The following COL24A1 variants were observed in gnomAD, a reference collection of about 807,000 sequenced individuals.
The protein encoded by COL24A1 is collagen type XXIV alpha 1 chain, also known as collagen alpha-1(XXIV) chain.
COL24A1 carries 224 observed loss-of-function variants against 253.9 expected under a neutral mutation model. That is an observed-to-expected ratio of 0.88 (90% CI 0.79 to 0.99). The LOEUF (loss-of-function observed/expected upper bound fraction) is 0.99. COL24A1 is among the 50% of genes least tolerant of loss of function. The pLI, the probability that COL24A1 is intolerant of heterozygous loss-of-function variation, is 0.00. For missense variants in COL24A1, 2,131 were observed against 2,068.5 expected (o/e 1.03, Z -0.59); for synonymous variants, 685 against 673.7 (o/e 1.02, Z -0.26).
intron 47 of COL24A1, among the ~76,000 whole-genome samples, chr1:85,814,746 G>C (rs1221456907): frequency 6.6e-6 from 1 of 152,072 alleles, no homozygotes. Flanking sequence ...GAAAGAAGTT[G>C]TTTGTCATAA....
chr1:86,095,220 T>A (rs1049493310), intron 5 of COL24A1, among the ~76,000 whole-genome samples: 1 of 152,070 alleles, frequency 6.6e-6, no homozygotes, highest in Non-Finnish European at 1.5e-5. Context: ...AATAATTTAA[T>A]GTTTAATCTC....
intron 19 of COL24A1, among the ~76,000 whole-genome samples, chr1:86,014,600 C>CCGT (rs779659146): frequency 1.0e-5 from 1 of 100,500 alleles, no homozygotes; most frequent in Non-Finnish European, 1.9e-5. Flanking sequence ...TGAATCTCTT[C>CCGT]CTTCTCCTCC....
chr1:85,910,686 G>C (rs1388281623), intron 25 of COL24A1, among the ~76,000 whole-genome samples: 2 of 151,920 alleles, frequency 1.3e-5, no homozygotes, highest in African/African-American at 4.8e-5. Context: ...TAGTATTTAA[G>C]TAATTGAGAA....
At chr1:86,117,867 T>C (rs1199244473) in intron 3 of COL24A1, among the ~76,000 whole-genome samples, 3 of 152,222 alleles carry the variant, frequency 2.0e-5, no homozygotes. Flanking sequence ...ATTCAAATCA[T>C]GCCTCAATCA....
intron 3 of COL24A1, among the ~76,000 whole-genome samples, chr1:86,116,768 A>AT (rs1706185194): frequency 1.3e-5 from 2 of 151,916 alleles, no homozygotes; most frequent in African/African-American, 4.8e-5. Context: ...CTTTAGTTGC[A>AT]CTTTTTTCTC....
At chr1:85,797,713 G>A (rs1670984398) in intron 47 of COL24A1, among the ~76,000 whole-genome samples, 1 of 152,148 alleles carries the variant, frequency 6.6e-6, no homozygotes, top group African/African-American at 2.4e-5. Context: ...ACTTCATGGA[G>A]GTTTTGTGAG....
At chr1:85,907,105 A>G in intron 28 of COL24A1, 89 bp downstream of exon 28, 2 of 996,382 alleles carry the variant, frequency 2.0e-6, no homozygotes, top group South Asian at 1.4e-5. Flanking sequence ...GAATTCTAGA[A>G]GGTATGATGC....
At chr1:85,947,204 T>C (rs1234693037) in intron 24 of COL24A1, among the ~76,000 whole-genome samples, 4 of 152,220 alleles carry the variant, frequency 2.6e-5, no homozygotes. Flanking sequence ...CAAAGTGGTC[T>C]TGACAAATAC....
chr1:86,086,146 G>T (rs1703048675), intron 7 of COL24A1, among the ~76,000 whole-genome samples: 2 of 152,128 alleles, frequency 1.3e-5, no homozygotes. Flanking sequence ...AAAGAAAAAT[G>T]AAGTCACTGT....
At chr1:86,156,207 G>C in intron 1 of COL24A1, 134 bp downstream of exon 1, 1 of 668,836 alleles carries the variant, frequency 1.5e-6, no homozygotes, top group Non-Finnish European at 2.6e-6. Context: ...AAGATACCGC[G>C]GGTACTCGGC....
chr1:86,137,952 A>C (rs1342102747), intron 2 of COL24A1, among the ~76,000 whole-genome samples: 1 of 152,144 alleles, frequency 6.6e-6, no homozygotes, highest in East Asian at 1.9e-4. Flanking sequence ...ATGGCTTTCC[A>C]TGGTATAAGA....
chr1:85,768,122 G>A (rs1667561091), intron 53 of COL24A1, among the ~76,000 whole-genome samples: 1 of 152,112 alleles, frequency 6.6e-6, no homozygotes, highest in African/African-American at 2.4e-5. Context: ...GATAAAATTA[G>A]TCATTTGAAG....
chr1:86,133,264 G>A (rs1649594955), intron 2 of COL24A1, among the ~76,000 whole-genome samples: 3 of 151,974 alleles, frequency 2.0e-5, no homozygotes, highest in South Asian at 4.2e-4. Context: ...GAGACGATGG[G>A]GTTTTCTAGA....
In COL24A1 at chr1:85,809,408, G is replaced by A. The variant is rs572525116; in HGVS notation, c.3951+7380C>T. On this transcript the variant is annotated intron_variant, in intron 47 of 59. Transcript: ENST00000370571. ...AACTATAAACTAAATTCTTCCCAAA[G>A]TTAGCTTGGCCTTTGCCCAGGAATG... Among the ~76,000 whole-genome samples, 11 of 152,258 alleles carry A rather than the reference G, an allele frequency of 7.2e-5. No homozygotes were observed. In the South Asian group the frequency reaches 1.9e-3, roughly 26 times the overall value.
In COL24A1 at chr1:86,131,626, C is replaced by T. The variant is rs549161224; in HGVS notation, c.122-5412G>A. Among the ~76,000 whole-genome samples, 3 of 151,160 alleles carry T rather than the reference C, an allele frequency of 2.0e-5. No individual in the cohort carries two copies. The South Asian group carries it at 6.3e-4, about 32-fold the overall frequency. ...AACATGCAGTGTTTGGTTTTTTGTC[C>T]TTGTGATAGTTTGCTGAGAATGATG... is the stretch of plus-strand genomic sequence containing the variant. On this transcript the variant is annotated intron_variant, in intron 2 of 59. Coordinates refer to ENST00000370571, the MANE Select transcript of COL24A1 (RefSeq NM_152890.7).
At chr1:85,939,523 T>G (rs1688537384) in intron 24 of COL24A1, among the ~76,000 whole-genome samples, 1 of 152,138 alleles carries the variant, frequency 6.6e-6, no homozygotes, top group Non-Finnish European at 1.5e-5. Context: ...TCCAACCTAA[T>G]GGAGATTCTC....
At chr1:85,797,353 A>G (rs1159119984) in intron 47 of COL24A1, among the ~76,000 whole-genome samples, 2 of 152,148 alleles carry the variant, frequency 1.3e-5, no homozygotes, top group African/African-American at 2.4e-5. Flanking sequence ...GAGGCAGTGT[A>G]CTGAGCATCC....
intron 39 of COL24A1, among the ~76,000 whole-genome samples, chr1:85,844,049 G>A (rs1456380269): frequency 1.3e-5 from 2 of 151,902 alleles, no homozygotes; most frequent in Admixed American, 1.3e-4. Flanking sequence ...AAGGATTTAA[G>A]TAGCTTAGCT....
chr1:85,921,404 G>A (rs979838439), intron 24 of COL24A1, among the ~76,000 whole-genome samples: 3 of 152,172 alleles, frequency 2.0e-5, no homozygotes, highest in African/African-American at 7.2e-5. Flanking sequence ...CATTGCTGAG[G>A]CTTCAGTAGG....
Sources: gnomAD v4.1 joint callset for allele counts (sites outside exome capture counted in the v4.1 genomes callset) on GRCh38, gnomAD v4.1.1 for gene constraint, MANE v1.5 for transcripts, NCBI Gene and HGNC (gene_info 2026-07-23, HGNC 2026-07-21) for gene names.